ATRN: variants seen among roughly 807,000 people sequenced by gnomAD.
ATRN encodes the protein attractin-2.
ATRN carries 54 observed loss-of-function variants against 178.7 expected under a neutral mutation model. The ratio of observed to expected loss-of-function variants is 0.30; its 90% confidence interval spans 0.24 to 0.38. The LOEUF (loss-of-function observed/expected upper bound fraction) is 0.38. ATRN is among the 10% of genes least tolerant of loss of function. The pLI is 1.00. For missense variants in ATRN, 1,443 were observed against 1,815.1 expected, an observed-to-expected ratio of 0.79 and a Z score of 3.73; for synonymous variants, 636 against 663.0, an observed-to-expected ratio of 0.96 and a Z score of 0.63.
chr20:3,555,949 T>G (rs2085870817), intron 6 of ATRN, among the ~76,000 whole-genome samples: 1 of 152,224 alleles, frequency 6.6e-6, no homozygotes. Context: ...TCCTTCCAAC[T>G]GCTTCGTGCT....
intron 6 of ATRN, among the ~76,000 whole-genome samples, chr20:3,555,089 C>CT (rs1166175020): frequency 6.7e-6 from 1 of 150,258 alleles, no homozygotes; most frequent in Non-Finnish European, 1.5e-5. Flanking sequence ...CAGGCTCCGC[C>CT]CCCTGGGGTT....
At chr20:3,554,309 A>ATTTATTTATTTAT (rs1568725980) in intron 6 of ATRN, among the ~76,000 whole-genome samples, 2 of 133,842 alleles carry the variant, frequency 1.5e-5, no homozygotes, top group African/African-American at 5.5e-5. Flanking sequence ...ACAGATTTTT[A>ATTTATTTATTTAT]TTTATTTATT....
intron 1 of ATRN, among the ~76,000 whole-genome samples, chr20:3,519,578 T>A (rs1250717627): frequency 1.3e-5 from 2 of 152,062 alleles, no homozygotes; most frequent in Non-Finnish European, 2.9e-5. Context: ...ATAATATGAC[T>A]TCCAGAAGGA....
chr20:3,568,672 A>G (rs886423767), intron 11 of ATRN, among the ~76,000 whole-genome samples: 2 of 152,226 alleles, frequency 1.3e-5, no homozygotes, highest in African/African-American at 4.8e-5. Flanking sequence ...ACCAGTCAGC[A>G]TACATAACTT....
At position 3,643,573 on chromosome 20, in the gene ATRN, G is replaced by C. The variant is rs1056398568; in HGVS notation, c.4051-581G>C. On this transcript the variant is annotated intron_variant, in intron 27 of 28. Coordinates refer to ENST00000262919, the MANE Select transcript of ATRN (RefSeq NM_139321.3). ...TATAGGGGACAAATCTCATCTAAAG[G>C]CTGCAACAGAAGATGAAAACATATT... Among the ~76,000 whole-genome samples, 3 of 151,986 alleles carry C rather than the reference G, an allele frequency of 2.0e-5. No individual in the cohort carries two copies. In the South Asian group the frequency reaches 6.2e-4, roughly 32 times the overall value.
At chr20:3,529,788 T>C (rs1003061811) in intron 1 of ATRN, among the ~76,000 whole-genome samples, 1 of 152,202 alleles carries the variant, frequency 6.6e-6, no homozygotes, top group African/African-American at 2.4e-5. Context: ...TTTTATTATA[T>C]GTAAATTACT....
intron 10 of ATRN, among the ~76,000 whole-genome samples, 178 bp from the exon 11 acceptor site, chr20:3,565,170 C>G (rs1180817765): frequency 2.0e-5 from 3 of 152,140 alleles, no homozygotes; most frequent in African/African-American, 7.2e-5. Context: ...GCCTTTCTTC[C>G]ATGCCCTGTT....
At chr20:3,493,388 A>C (rs1262976785) in intron 1 of ATRN, among the ~76,000 whole-genome samples, 1 of 150,622 alleles carries the variant, frequency 6.6e-6, no homozygotes, top group Non-Finnish European at 1.5e-5. Context: ...TTGAACTACT[A>C]GCCTCAAGCG....
chr20:3,615,969 A>C, intron 24 of ATRN: 1 of 309,966 alleles, frequency 3.2e-6, no homozygotes, highest in South Asian at 2.5e-5. Flanking sequence ...GGTGCAGCAC[A>C]CCAACATGGC....
rs796066364 is a variant in ATRN, at chr20:3,649,782, C to T, written c.*2935C>T. ...GACTAACCTGTAGCAATCAGACTTT[C>T]CAAAAGGGGGTTCTCCATTTTTTGT... On this transcript the variant is annotated 3_prime_UTR_variant, in exon 29 of 29. Transcript: ENST00000262919. 6.6e-6 allele frequency: 1 copy of T among 152,000 alleles called. No individual in the cohort carries two copies. The allele number at this position is 152,000 out of a possible 1,614,324, so 9.4% of individuals were successfully genotyped here.
At chr20:3,587,338 T>C (rs1439519284) in intron 18 of ATRN, among the ~76,000 whole-genome samples, 1 of 152,214 alleles carries the variant, frequency 6.6e-6, no homozygotes, top group Non-Finnish European at 1.5e-5. Flanking sequence ...CTCCTAAGTT[T>C]TCTTTGAAAA....
intron 6 of ATRN, among the ~76,000 whole-genome samples, chr20:3,550,609 T>C (rs1486429827): frequency 6.6e-6 from 1 of 152,228 alleles, no homozygotes; most frequent in East Asian, 1.9e-4. Flanking sequence ...GGAAAACAAA[T>C]GCTTTCCTGA....
intron 1 of ATRN, among the ~76,000 whole-genome samples, chr20:3,480,876 G>A (rs2084611022): frequency 6.6e-6 from 1 of 152,156 alleles, no homozygotes; most frequent in Admixed American, 6.5e-5. Flanking sequence ...CTAGTGTTAT[G>A]ATTGAACAGA....
chr20:3,503,701 A>G (rs2084995324), intron 1 of ATRN, among the ~76,000 whole-genome samples: 1 of 152,170 alleles, frequency 6.6e-6, no homozygotes, highest in Non-Finnish European at 1.5e-5. Flanking sequence ...CAAACTGCAA[A>G]AAAAATGACT....
intron 1 of ATRN, chr20:3,489,993 T>C: frequency 1.0e-6 from 1 of 988,832 alleles, no homozygotes. Flanking sequence ...GCACTGTGCA[T>C]TTTCATGAGT....
intron 6 of ATRN, among the ~76,000 whole-genome samples, chr20:3,559,067 G>A (rs1461746941): frequency 6.6e-6 from 1 of 152,130 alleles, no homozygotes; most frequent in Non-Finnish European, 1.5e-5. Context: ...AAAAGTTATT[G>A]TAATAAAATT....
intron 24 of ATRN, among the ~76,000 whole-genome samples, chr20:3,609,249 G>A (rs1235277349): frequency 6.6e-6 from 1 of 152,008 alleles, no homozygotes; most frequent in Non-Finnish European, 1.5e-5. Flanking sequence ...CACCTCCTTG[G>A]TTAGATTTAT....
intron 6 of ATRN, among the ~76,000 whole-genome samples, chr20:3,551,574 A>G (rs2085787291): frequency 6.6e-6 from 1 of 151,910 alleles, no homozygotes; most frequent in African/African-American, 2.4e-5. Context: ...ACACTTTTCA[A>G]TCTTTTCAGA....
chr20:3,642,191 C>T (rs1211253234), intron 27 of ATRN, among the ~76,000 whole-genome samples: 3 of 152,208 alleles, frequency 2.0e-5, no homozygotes, highest in Non-Finnish European at 4.4e-5. Context: ...GTGTCTTTTA[C>T]ACCCACTTCT....
Sources: gnomAD v4.1 joint callset for allele counts (sites outside exome capture counted in the v4.1 genomes callset) on GRCh38, gnomAD v4.1.1 for gene constraint, MANE v1.5 for transcripts, NCBI Gene and HGNC (gene_info 2026-07-23, HGNC 2026-07-21) for gene names.